NXN: variants seen among roughly 807,000 people sequenced by gnomAD.
NXN encodes the protein nucleoredoxin 1.
A neutral mutation model predicts 48.6 loss-of-function variants in NXN; 16 were observed. The ratio of observed to expected loss-of-function variants is 0.33; its 90% CI spans 0.22 to 0.50. NXN has a LOEUF of 0.50. NXN is among the 20% of genes least tolerant of loss of function. The pLI is 0.98. For synonymous variants in NXN, 281 were observed against 269.6 expected, an observed-to-expected ratio of 1.04 and a Z score of -0.41; for missense variants, 492 against 605.5, an observed-to-expected ratio of 0.81 and a Z score of 1.97.
At chr17:805,580 A>C (rs1403407853) in intron 5 of NXN, among the ~76,000 whole-genome samples, 1 of 152,178 alleles carries the variant, frequency 6.6e-6, no homozygotes, top group East Asian at 1.9e-4. Context: ...CATGCGGTTA[A>C]AGAACTTAGA....
intron 1 of NXN, among the ~76,000 whole-genome samples, chr17:964,321 A>G (rs2069277028): frequency 3.3e-5 from 5 of 152,184 alleles, no homozygotes; most frequent in Admixed American, 3.3e-4. Context: ...TCAGGGGCAG[A>G]ACAGATCCAG....
rs1567810355 is a variant in NXN, at chr17:809,882, G to GGGCACCTTACGAGCCAC, written c.821-4636_821-4635insGTGGCTCGTAAGGTGCC. On this transcript the variant is annotated intron_variant, in intron 5 of 7. Coordinates refer to ENST00000336868, the MANE Select transcript of NXN (RefSeq NM_022463.5). ...CACCTTACGAGTCAGTGTGAGTGGCGTGTACGTTAAGAGTCCCTGTGAGTG... is the reference window on the plus strand; with the variant it reads ...CACCTTACGAGTCAGTGTGAGTGGCGGGCACCTTACGAGCCACTGTACGTTAAGAGTCCCTGTGAGTG... Among the ~76,000 whole-genome samples, 566 of 147,532 alleles carry GGGCACCTTACGAGCCAC rather than the reference G, an allele frequency of 3.8e-3. 54 individuals carry two copies. Among genetic ancestry groups the GGGCACCTTACGAGCCAC allele is most frequent in the East Asian group, 5.8e-3 (28 of 4,860 alleles).
intron 1 of NXN, among the ~76,000 whole-genome samples, chr17:867,783 A>AGGTGT (rs2068108360): frequency 6.6e-6 from 1 of 151,816 alleles, no homozygotes; most frequent in African/African-American, 2.4e-5. Context: ...AAAATTAGCC[A>AGGTGT]GGTGTGGTGG....
intron 1 of NXN, among the ~76,000 whole-genome samples, chr17:914,104 T>A (rs1046122870): frequency 6.6e-6 from 1 of 152,104 alleles, no homozygotes; most frequent in African/African-American, 2.4e-5. Context: ...TTCGCCACAT[T>A]GGCCAGGCTG....
intron 1 of NXN, among the ~76,000 whole-genome samples, chr17:949,948 T>G (rs1240829943): frequency 3.3e-5 from 5 of 152,016 alleles, no homozygotes; most frequent in African/African-American, 9.7e-5. Flanking sequence ...TAACGGTCAA[T>G]GCCAGAAGCA....
intron 1 of NXN, among the ~76,000 whole-genome samples, chr17:949,889 C>G (rs1335863202): frequency 1.3e-5 from 2 of 151,516 alleles, no homozygotes; most frequent in Non-Finnish European, 2.9e-5. Flanking sequence ...CCAGCATCTG[C>G]CTGGGCACCT....
At chr17:975,885 C>G (rs2069451958) in intron 1 of NXN, among the ~76,000 whole-genome samples, 1 of 152,230 alleles carries the variant, frequency 6.6e-6, no homozygotes, top group African/African-American at 2.4e-5. Flanking sequence ...TCCTGACTAT[C>G]GATCACATTC....
chr17:826,200 A>G lies in NXN; in HGVS notation c.361-122T>C, dbSNP rs891242409. Reference sequence around the variant, plus strand: ...CAAGCATTCAAGCACACAGAAAAGAATAATGGATGCCAAGCAGGGCTGCTG... The same window carrying G: ...CAAGCATTCAAGCACACAGAAAAGAGTAATGGATGCCAAGCAGGGCTGCTG... On this transcript the variant is annotated intron_variant, in intron 1 of 7. Transcript: ENST00000336868. 3.9e-6 allele frequency: 3 copies of G among 761,792 alleles called. No individual in the cohort carries two copies. In the African/African-American group the frequency reaches 5.2e-5, roughly 13 times the overall value. The allele number at this position is 761,792 out of a possible 1,614,324, so 47.2% of individuals were successfully genotyped here. A position where few individuals can be genotyped will look rare whatever the true frequency, so the allele number is the denominator to read the frequency against.
At chr17:901,660 A>G (rs1319178703) in intron 1 of NXN, among the ~76,000 whole-genome samples, 1 of 152,270 alleles carries the variant, frequency 6.6e-6, no homozygotes, top group East Asian at 1.9e-4. Flanking sequence ...ATAAACACTC[A>G]GCCTGAAAGT....
chr17:930,695 CAT>C (rs1178219272), intron 1 of NXN, among the ~76,000 whole-genome samples: 2 of 151,624 alleles, frequency 1.3e-5, no homozygotes, highest in African/African-American at 4.8e-5. Flanking sequence ...AAGGCATAAA[CAT>C]GTTATTAAAT....
chr17:918,005 C>CA (rs1285416143), intron 1 of NXN, among the ~76,000 whole-genome samples: 4 of 152,204 alleles, frequency 2.6e-5, no homozygotes, highest in Non-Finnish European at 5.9e-5. Context: ...CGGCACATCA[C>CA]AAAAACTCAC....
Position 964,055 on chromosome 17 carries a change from C to T in NXN, c.360+15264G>A, listed in dbSNP as rs1039737908. Among the ~76,000 whole-genome samples, 67 of 151,814 alleles carry T rather than the reference C, an allele frequency of 4.4e-4. 1 individual carries two copies. Among genetic ancestry groups the T allele is most frequent in the African/African-American group, 1.5e-3 (62 of 41,376 alleles). On this transcript the variant is annotated intron_variant, in intron 1 of 7. Coordinates refer to ENST00000336868, the MANE Select transcript of NXN (RefSeq NM_022463.5). ...TCGCGCCACTGCACTCCAGCCTGGG[C>T]GACAGAGCAAGACTCCGTCTCAAAA...
At chr17:911,279 T>C (rs915661299) in intron 1 of NXN, 1 of 151,904 alleles carries the variant, frequency 6.6e-6, no homozygotes, top group Non-Finnish European at 1.5e-5. Flanking sequence ...ATGACATCTT[T>C]ACAATATTTT....
intron 1 of NXN, among the ~76,000 whole-genome samples, chr17:846,277 C>T (rs923985114): frequency 1.3e-5 from 2 of 150,612 alleles, no homozygotes; most frequent in Non-Finnish European, 3.0e-5. Context: ...CTAAAATTAG[C>T]TGTGGTGGTG....
chr17:900,913 C>CT (rs11367844), intron 1 of NXN, among the ~76,000 whole-genome samples: 978 of 75,800 alleles, frequency 0.013, 10 homozygotes, highest in African/African-American at 0.029. Flanking sequence ...GATCTGCATT[C>CT]TTTTTTTTTT....
rs2069483156 is a variant in NXN at position 978,121 on chromosome 17, T to C, written c.360+1198A>G. On this transcript the variant is annotated intron_variant, in intron 1 of 7. Transcript: ENST00000336868. This position sits in a 1 kb window ranked among gnomAD's most constrained non-coding sequence, Gnocchi z 4.1. ...GCTTCTCAACAAGATTCTGCACATA[T>C]AAAAGGAACACGTGGCACGCCTCGC... Among the ~76,000 whole-genome samples, 1 of 152,072 alleles carries C rather than the reference T, an allele frequency of 6.6e-6. No homozygotes were observed. Among genetic ancestry groups the C allele is most frequent in the African/African-American group, 2.4e-5 (1 of 41,412 alleles).
At chr17:950,614 C>T (rs369311408) in intron 1 of NXN, among the ~76,000 whole-genome samples, 42 of 151,574 alleles carry the variant, frequency 2.8e-4, no homozygotes, top group South Asian at 2.1e-3. Context: ...TTTCATCCCC[C>T]GTCCGTTCCC....
chr17:893,434 G>A (rs1038543490), intron 1 of NXN, among the ~76,000 whole-genome samples: 6 of 152,162 alleles, frequency 3.9e-5, no homozygotes, highest in African/African-American at 1.4e-4. Context: ...TGCCCTCCTT[G>A]GATTTCCCTT....
chr17:892,056 A>G (rs111491247), intron 1 of NXN, among the ~76,000 whole-genome samples: 59 of 3,210 alleles, frequency 0.018, no homozygotes, highest in African/African-American at 0.052. Context: ...GGGAACCTAA[A>G]CTAACCCCAC....
Sources: allele counts gnomAD v4.1 joint callset (sites outside exome capture counted in the v4.1 genomes callset), GRCh38; gene constraint gnomAD v4.1.1; non-coding constraint Gnocchi (gnomAD v3.1); transcripts MANE v1.5; gene names NCBI Gene and HGNC (gene_info 2026-07-23, HGNC 2026-07-21).